Variants in ANO10 observed in about 807,000 individuals in gnomAD.
ANO10 encodes the protein anoctamin 10.
In ANO10, 77 loss-of-function variants were observed where a neutral mutation model predicts 74.7. That is an observed-to-expected ratio of 1.03 (90% CI 0.86 to 1.25). ANO10 has a LOEUF of 1.25. ANO10 is among the 50% of genes most tolerant of loss of function. The pLI, the probability that ANO10 is intolerant of heterozygous loss-of-function variation, is 0.00. For missense variants in ANO10, 721 were observed against 778.1 expected (o/e 0.93, Z 0.87); for synonymous variants, 279 against 284.9 (o/e 0.98, Z 0.21).
intron 11 of ANO10, among the ~76,000 whole-genome samples, chr3:43,512,779 G>A (rs114224165): frequency 0.013 from 2,003 of 151,808 alleles, 43 homozygotes; most frequent in Non-Finnish European, 0.016. Flanking sequence ...CCTTCCACCC[G>A]AAACAACAAC....
intron 11 of ANO10, among the ~76,000 whole-genome samples, chr3:43,526,331 C>A (rs2078195080): frequency 6.6e-6 from 1 of 152,126 alleles, no homozygotes; most frequent in African/African-American, 2.4e-5. Context: ...AGATATGCAA[C>A]ATGTATGATT....
chr3:43,576,719 A>G lies in ANO10; in HGVS notation c.1135T>C (p.Tyr379His), dbSNP rs761532493. 5 of 1,614,186 alleles carry G rather than the reference A, an allele frequency of 3.1e-6. No homozygotes were observed. The highest frequency in any genetic ancestry group is 1.7e-5 in the Admixed American group (1 of 60,022). ...CATGAAGTTAAAAACTCGGCAGCAT[A>G]TCGATAGAGACGATTCATGATCTCA... ...VIEIMNRLYR[Y>H]AAEFLTSWEN... Residue 379 changes from tyrosine (Y) to histidine (H), a missense_variant, in exon 6 of 13, where the codon TAT (tyrosine) becomes CAT (histidine). Coordinates refer to ENST00000292246, the MANE Select transcript of ANO10 (RefSeq NM_018075.5).
chr3:43,574,122 T>G (rs963112261), intron 7 of ANO10, among the ~76,000 whole-genome samples: 1 of 151,354 alleles, frequency 6.6e-6, no homozygotes, highest in Non-Finnish European at 1.5e-5. Flanking sequence ...GGTGAATTTT[T>G]TTTGTATTTT....
chr3:43,470,644 T>TTTA (rs1428524328), intron 11 of ANO10, among the ~76,000 whole-genome samples: 1,469 of 105,368 alleles, frequency 0.014, 10 homozygotes, highest in Non-Finnish European at 0.025. Context: ...TTATTTATTT[T>TTTA]GAGGCAGAGT....
At chr3:43,562,470 AAG>A (rs1491386645) in intron 8 of ANO10, among the ~76,000 whole-genome samples, 2 of 147,382 alleles carry the variant, frequency 1.4e-5, no homozygotes, top group East Asian at 4.0e-4. Context: ...AAAAAAAAAA[AAG>A]AAGTTTGAGA....
In ANO10 at chr3:43,655,365, T is replaced by C. The variant is rs543107879; in HGVS notation, c.-12+36152A>G. Among the ~76,000 whole-genome samples the C allele has an allele frequency of 5.9e-5, 9 of 152,128 alleles. No homozygotes were observed. The South Asian group carries it at 1.0e-3, about 18-fold the overall frequency. On this transcript the variant is annotated intron_variant, in intron 1 of 3. Coordinates refer to the ANO10 transcript ENST00000413397. ...GTTCGTGGTCTCGCTGGCTCAGGAG[T>C]GAAGCTGCAGACCTTGGCGGTGAGT...
chr3:43,395,690 GTTC>G (rs1008108304), intron 12 of ANO10, among the ~76,000 whole-genome samples: 3 of 150,338 alleles, frequency 2.0e-5, no homozygotes, highest in African/African-American at 7.4e-5. Context: ...TTCCAATTGT[GTTC>G]TTCTTTTTAA....
intron 1 of ANO10, chr3:43,690,987 G>A: frequency 2.5e-6 from 4 of 1,573,224 alleles, no homozygotes; most frequent in East Asian, 2.5e-5. Flanking sequence ...TTGCGCGGCG[G>A]CGGCTATGGC....
intron 4 of ANO10, among the ~76,000 whole-genome samples, chr3:43,584,786 C>T (rs376708397): frequency 6.6e-6 from 1 of 152,198 alleles, no homozygotes; most frequent in African/African-American, 2.4e-5. Context: ...TATCAAAACA[C>T]AACATTACAG....
At chr3:43,579,132 A>G (rs186702936) in intron 5 of ANO10, among the ~76,000 whole-genome samples, 3 of 152,336 alleles carry the variant, frequency 2.0e-5, no homozygotes, top group Admixed American at 2.0e-4. Flanking sequence ...GAAATCTACC[A>G]GCTTAAAAAA....
At chr3:43,379,865 G>C (rs773803577) in intron 12 of ANO10, among the ~76,000 whole-genome samples, 2 of 152,210 alleles carry the variant, frequency 1.3e-5, no homozygotes, top group Non-Finnish European at 2.9e-5. Flanking sequence ...AAAGAATTCA[G>C]AAGGTTGACT....
intron 12 of ANO10, among the ~76,000 whole-genome samples, chr3:43,418,873 G>A (rs757509771): frequency 2.6e-5 from 4 of 152,190 alleles, no homozygotes; most frequent in Non-Finnish European, 5.9e-5. Context: ...CAGCCTGTTC[G>A]GTAAACAAAG....
In ANO10 at chr3:43,445,544, T is replaced by A. The variant is rs118004096; in HGVS notation, c.1798-12817A>T. Among the ~76,000 whole-genome samples, 260 of 152,274 alleles carry A rather than the reference T, an allele frequency of 1.7e-3. 3 individuals are homozygous for A. Among genetic ancestry groups the A allele is most frequent in the East Asian group, 0.017 (86 of 5,192 alleles). Reference sequence around the variant, plus strand: ...AAACAATGAATAATTAAACTAGGATTCCAAACAAACCATCTAAAAACAACT... The same window carrying A: ...AAACAATGAATAATTAAACTAGGATACCAAACAAACCATCTAAAAACAACT... On this transcript the variant is annotated intron_variant, in intron 11 of 12. Coordinates refer to ENST00000292246, the MANE Select transcript of ANO10 (RefSeq NM_018075.5).
At chr3:43,658,210 AAAG>A (rs2083878849) in intron 1 of ANO10, among the ~76,000 whole-genome samples, 1 of 122,102 alleles carries the variant, frequency 8.2e-6, no homozygotes, top group Non-Finnish European at 1.5e-5. Flanking sequence ...TATGTATCTT[AAAG>A]AAGTATTTTT....
intron 12 of ANO10, among the ~76,000 whole-genome samples, chr3:43,382,152 C>T (rs1362228216): frequency 6.6e-6 from 1 of 152,178 alleles, no homozygotes; most frequent in Non-Finnish European, 1.5e-5. Flanking sequence ...CACAAATAGA[C>T]AATCTAAGGT....
chr3:43,521,447 G>C (rs556136919), intron 11 of ANO10, among the ~76,000 whole-genome samples: 1 of 152,224 alleles, frequency 6.6e-6, no homozygotes, highest in East Asian at 1.9e-4. Context: ...CTTACTTCTA[G>C]GAAAAATGAT....
At chr3:43,472,352 A>G (rs1444608572) in intron 11 of ANO10, 1 of 152,234 alleles carries the variant, frequency 6.6e-6, no homozygotes, top group Non-Finnish European at 1.5e-5. Flanking sequence ...ACCAAAAAGT[A>G]TGACTTTTCC....
rs576439152 is a variant in ANO10 at position 43,643,752 on chromosome 3, C to T, written c.-11-37889G>A. Reference sequence around the variant, plus strand: ...AGGCTGGAGTGCAGTGGCGCAATCTCGGCTCACTGCAAGCTCTGCCTCCTG... The same window carrying T: ...AGGCTGGAGTGCAGTGGCGCAATCTTGGCTCACTGCAAGCTCTGCCTCCTG... On this transcript the variant is annotated intron_variant, in intron 1 of 3. Coordinates refer to the ANO10 transcript ENST00000413397. Among the ~76,000 whole-genome samples the T allele has an allele frequency of 1.3e-3, 190 of 147,332 alleles. 7 individuals are homozygous for T. Among genetic ancestry groups the T allele is most frequent in the African/African-American group, 4.7e-3 (183 of 38,912 alleles).
chr3:43,593,633 C>T (rs964183091), intron 4 of ANO10, among the ~76,000 whole-genome samples: 4 of 151,994 alleles, frequency 2.6e-5, no homozygotes, highest in Non-Finnish European at 5.9e-5. Context: ...TTGGAACAAC[C>T]GGTACCAGCC....
Sources: allele counts gnomAD v4.1 joint callset (sites outside exome capture counted in the v4.1 genomes callset), GRCh38; gene constraint gnomAD v4.1.1; transcripts MANE v1.5; gene names NCBI Gene and HGNC (gene_info 2026-07-23, HGNC 2026-07-21).